The following WSCD1 variants were observed in gnomAD, a reference collection of about 807,000 sequenced individuals.
WSCD1 encodes WSC domain sialate O sulfotransferase 1, also known as sialate:O-sulfotransferase 1.
In WSCD1, 41 loss-of-function variants were observed where a neutral mutation model predicts 60.4. That is an observed-to-expected ratio of 0.68 (90% CI 0.53 to 0.88). The LOEUF (loss-of-function observed/expected upper bound fraction) is 0.88, where lower values mean the gene tolerates loss of function less well. Among genes scored for constraint, WSCD1 ranks in the 40% least tolerant of loss-of-function variants. WSCD1 has a pLI of 0.00. For synonymous variants in WSCD1, 361 were observed against 332.5 expected (o/e 1.09, Z -0.93); for missense variants, 784 against 796.2 (o/e 0.98, Z 0.18).
intron 7 of WSCD1, among the ~76,000 whole-genome samples, chr17:6,115,367 G>A (rs35417820): frequency 0.082 from 12,493 of 152,184 alleles, 735 homozygotes; most frequent in African/African-American, 0.17. Flanking sequence ...TCATCAAAAT[G>A]TAATAAAAAA....
At chr17:6,076,093 G>A (rs1908845331) in intron 1 of WSCD1, among the ~76,000 whole-genome samples, 1 of 152,196 alleles carries the variant, frequency 6.6e-6, no homozygotes, top group Non-Finnish European at 1.5e-5. Flanking sequence ...CTGGGATGGG[G>A]AGAGAAATAG....
intron 5 of WSCD1, among the ~76,000 whole-genome samples, chr17:6,106,797 A>G (rs1335699236): frequency 1.3e-5 from 2 of 152,150 alleles, no homozygotes; most frequent in African/African-American, 2.4e-5. Flanking sequence ...GTGGCCAGGG[A>G]AGGCCCCACA....
chr17:6,094,436 C>T (rs2150549498), intron 4 of WSCD1, among the ~76,000 whole-genome samples: 1 of 152,314 alleles, frequency 6.6e-6, no homozygotes, highest in Admixed American at 6.5e-5. Context: ...TCTTTTAATG[C>T]ATCTTCCGGT....
At chr17:6,108,193 G>A (rs1911208294) in intron 5 of WSCD1, among the ~76,000 whole-genome samples, 1 of 152,208 alleles carries the variant, frequency 6.6e-6, no homozygotes, top group African/African-American at 2.4e-5. Context: ...ACAGGCTGTT[G>A]TCTTTTATGA....
At position 6,080,935 on chromosome 17, in the gene WSCD1, A is replaced by T. The variant is rs2150531644; in HGVS notation, c.277A>T (p.Thr93Ser). 6.3e-7 allele frequency: 1 copy of T among 1,577,616 alleles called. No individual in the cohort carries two copies. Among genetic ancestry groups the T allele is most frequent in the Non-Finnish European group, 8.6e-7 (1 of 1,166,728 alleles). Reference sequence around the variant, plus strand: ...TGTGGACATGCTGCAGAGCCCCCTGACCCGGCCCCGGCCCGGCCCCCGCTG... The same window carrying T: ...TGTGGACATGCTGCAGAGCCCCCTGTCCCGGCCCCGGCCCGGCCCCCGCTG... ...LGVDMLQSPL[T>S]RPRPGPRWLR... Residue 93 changes from threonine (T) to serine (S), a missense_variant, in exon 2 of 9, where the codon ACC becomes TCC. By Grantham distance (58) the Thr-to-Ser change is moderately conservative. Transcript: ENST00000317744. The surrounding 1 kb of genome is among the most constrained non-coding windows in gnomAD (Gnocchi z 6.6).
intron 7 of WSCD1, among the ~76,000 whole-genome samples, chr17:6,112,010 C>G (rs1218143144): frequency 1.3e-5 from 2 of 152,150 alleles, no homozygotes; most frequent in Admixed American, 6.5e-5. Context: ...ATGATCTAGT[C>G]TGTTACAAAA....
intron 3 of WSCD1, among the ~76,000 whole-genome samples, chr17:6,088,944 G>A (rs966288929): frequency 2.6e-5 from 4 of 152,082 alleles, no homozygotes; most frequent in African/African-American, 2.4e-5. Context: ...CACCACGCCC[G>A]GCTAATTTTT....
At chr17:6,089,912 C>T (rs1342906174) in intron 3 of WSCD1, among the ~76,000 whole-genome samples, 3 of 152,176 alleles carry the variant, frequency 2.0e-5, no homozygotes, top group Non-Finnish European at 4.4e-5. Flanking sequence ...TGGCTAGAGA[C>T]TGATTCCTAA....
chr17:6,120,166 C>A (rs1324185073), intron 8 of WSCD1, 143 bp from the exon 9 acceptor site: 3 of 916,920 alleles, frequency 3.3e-6, no homozygotes, highest in Non-Finnish European at 5.0e-6. Flanking sequence ...AAAGGGTCCT[C>A]CTCCATGGGG....
At chr17:6,084,271 A>T (rs1909476479) in intron 2 of WSCD1, among the ~76,000 whole-genome samples, 1 of 152,254 alleles carries the variant, frequency 6.6e-6, no homozygotes, top group Non-Finnish European at 1.5e-5. Flanking sequence ...ACAGCAAAAC[A>T]ACCAAGTCTG....
At chr17:6,094,568 GAA>G (rs1284707745) in intron 4 of WSCD1, among the ~76,000 whole-genome samples, 158 of 149,294 alleles carry the variant, frequency 1.1e-3, no homozygotes, top group Non-Finnish European at 2.0e-3. Context: ...AGGAAGGAAG[GAA>G]AAGGAAGGAG....
rs940047429 is a variant in WSCD1, at chr17:6,124,318, T to C, written c.*3657T>C. The C allele has an allele frequency of 4.6e-5, 7 of 152,224 alleles. No individual in the cohort carries two copies. The highest frequency in any genetic ancestry group is 2.1e-4 in the South Asian group (1 of 4,830). 9.4% of individuals were successfully genotyped at this position (152,224 alleles called of 1,614,324 possible). ...GGGAGAGTTGAGAGGCAGAAAGAGATCAAGTCCTTGGTGAAATTGTTTAAG... is the reference window on the plus strand; with the variant it reads ...GGGAGAGTTGAGAGGCAGAAAGAGACCAAGTCCTTGGTGAAATTGTTTAAG... On this transcript the variant is annotated 3_prime_UTR_variant, in exon 9 of 9. Transcript: ENST00000317744.
Position 6,121,019 on chromosome 17 carries a change from T to C in WSCD1, c.*358T>C. On this transcript the variant is annotated 3_prime_UTR_variant, in exon 9 of 9. Coordinates refer to ENST00000317744, the MANE Select transcript of WSCD1 (RefSeq NM_015253.2). ...AACACACAGGTGCCAGGCCGTGTGC[T>C]CCTGGAGGCTGGCTGGCTGTCTCTC... 1 of 262,288 alleles carries C rather than the reference T, an allele frequency of 3.8e-6. No homozygotes were observed. Among genetic ancestry groups the C allele is most frequent in the Non-Finnish European group, 7.3e-6 (1 of 136,760 alleles). The allele number at this position is 262,288 out of a possible 1,614,324, so 16.2% of individuals were successfully genotyped here.
At chr17:6,079,662 G>A (rs1909099000) in intron 1 of WSCD1, among the ~76,000 whole-genome samples, 3 of 152,192 alleles carry the variant, frequency 2.0e-5, no homozygotes, top group Admixed American at 2.0e-4. Flanking sequence ...CTGTGTGAAA[G>A]CCAACGACCA....
chr17:6,091,192 C>A (rs868709625), intron 4 of WSCD1, among the ~76,000 whole-genome samples: 1 of 152,212 alleles, frequency 6.6e-6, no homozygotes, highest in Non-Finnish European at 1.5e-5. Flanking sequence ...CGCACCCATC[C>A]AGGAGACCTA....
chr17:6,088,814 G>A (rs1376620574), intron 3 of WSCD1, among the ~76,000 whole-genome samples: 1 of 140,666 alleles, frequency 7.1e-6, no homozygotes, highest in Non-Finnish European at 1.5e-5. Context: ...ACGGAGTCTC[G>A]CTCTGTTGCC....
intron 2 of WSCD1, among the ~76,000 whole-genome samples, chr17:6,086,508 G>A (rs1033723954): frequency 6.6e-6 from 1 of 151,432 alleles, no homozygotes; most frequent in Non-Finnish European, 1.5e-5. Context: ...GCTAATTTTT[G>A]GTATGTATAT....
chr17:6,119,607 A>G (rs911613400), intron 8 of WSCD1, among the ~76,000 whole-genome samples: 2 of 151,910 alleles, frequency 1.3e-5, no homozygotes, highest in African/African-American at 4.8e-5. Flanking sequence ...CTTTACTTAG[A>G]CAGCCCCCGA....
At chr17:6,097,218 A>C (rs1910499063) in intron 5 of WSCD1, among the ~76,000 whole-genome samples, 1 of 152,252 alleles carries the variant, frequency 6.6e-6, no homozygotes, top group Non-Finnish European at 1.5e-5. Context: ...GGAGAAGATG[A>C]GGAGGAAGAG....
Sources: allele counts gnomAD v4.1 joint callset (sites outside exome capture counted in the v4.1 genomes callset), GRCh38; gene constraint gnomAD v4.1.1; non-coding constraint Gnocchi (gnomAD v3.1); transcripts MANE v1.5; gene names NCBI Gene and HGNC (gene_info 2026-07-23, HGNC 2026-07-21).